Variants in TRIO observed in about 807,000 individuals in gnomAD.
TRIO encodes trio Rho guanine nucleotide exchange factor, also known as triple functional domain protein.
A neutral mutation model predicts 351.9 loss-of-function variants in TRIO; 58 were observed. The ratio of observed to expected loss-of-function variants is 0.16; its 90% CI spans 0.13 to 0.21. The LOEUF (loss-of-function observed/expected upper bound fraction) is 0.21. Ranked by LOEUF, TRIO falls within the 10% of genes least tolerant of loss-of-function variation. The probability of loss-of-function intolerance (pLI) is 1.00; values close to 1 mark genes in which losing one functional copy is unlikely to be tolerated. For missense variants in TRIO, 3,201 were observed against 4,027.8 expected, an observed-to-expected ratio of 0.79 and a Z score of 5.56; for synonymous variants, 1,758 against 1,595.7, an observed-to-expected ratio of 1.10 and a Z score of -2.42.
At chr5:14,181,268 G>A (rs948917629) in intron 1 of TRIO, among the ~76,000 whole-genome samples, 4 of 152,196 alleles carry the variant, frequency 2.6e-5, no homozygotes, top group Non-Finnish European at 5.9e-5. Context: ...CCATGAAAAG[G>A]AAATGTCCTT....
chr5:14,413,357 C>G (rs1749359464), intron 33 of TRIO, among the ~76,000 whole-genome samples: 1 of 152,204 alleles, frequency 6.6e-6, no homozygotes, highest in Non-Finnish European at 1.5e-5. Context: ...TTCATCCTAG[C>G]TGCATGCGTA....
rs745825542 is a variant in TRIO, at chr5:14,502,672, C to T, written c.8411+15C>T. 1 of 1,613,734 alleles carries T rather than the reference C, an allele frequency of 6.2e-7. No homozygotes were observed. On this transcript the variant is annotated intron_variant, in intron 54 of 56. Coordinates refer to ENST00000344204, the MANE Select transcript of TRIO (RefSeq NM_007118.4). ...GAGCTTGGCAGGTATGATGCACAAC[C>T]CAGAACGCCTTCCGAAAGAGCAGAG...
chr5:14,388,779 AT>A, intron 24 of TRIO, 100 bp downstream of exon 24: 3 of 1,342,980 alleles, frequency 2.2e-6, no homozygotes, highest in Non-Finnish European at 2.0e-6. Flanking sequence ...AATAATCACA[AT>A]TTTTTTCTGT....
At chr5:14,152,018 C>G (rs1787871131) in intron 1 of TRIO, among the ~76,000 whole-genome samples, 1 of 152,252 alleles carries the variant, frequency 6.6e-6, no homozygotes, top group Admixed American at 6.5e-5. Context: ...CTGAACCACA[C>G]AAATATTGAA....
At chr5:14,224,894 A>G (rs1792887183) in intron 1 of TRIO, among the ~76,000 whole-genome samples, 2 of 152,286 alleles carry the variant, frequency 1.3e-5, no homozygotes, top group East Asian at 1.9e-4. Flanking sequence ...TAAATACGCA[A>G]TAGGTGTTTT....
At chr5:14,456,197 C>T (rs1561511801) in intron 34 of TRIO, among the ~76,000 whole-genome samples, 1 of 152,250 alleles carries the variant, frequency 6.6e-6, no homozygotes, top group Non-Finnish European at 1.5e-5. Context: ...CCACCTGGAA[C>T]TCTTGCAGGC....
chr5:14,424,812 C>T (rs62345048), intron 34 of TRIO, among the ~76,000 whole-genome samples: 15,242 of 152,150 alleles, frequency 0.1, 1,375 homozygotes, highest in African/African-American at 0.24. Flanking sequence ...CGGAACTGTC[C>T]GAAATGTTGA....
intron 1 of TRIO, among the ~76,000 whole-genome samples, chr5:14,223,466 A>G (rs563702416): frequency 8.5e-5 from 13 of 152,298 alleles, no homozygotes; most frequent in African/African-American, 2.6e-4. Flanking sequence ...CATCACAGCC[A>G]TGTCCTCTGT....
intron 1 of TRIO, among the ~76,000 whole-genome samples, chr5:14,258,643 C>T (rs1050281845): frequency 1.3e-5 from 2 of 152,166 alleles, no homozygotes; most frequent in East Asian, 3.9e-4. Context: ...TATGAAACTG[C>T]GGAAGAGCTT....
chr5:14,269,014 C>T (rs965069574), intron 1 of TRIO, among the ~76,000 whole-genome samples: 1 of 152,152 alleles, frequency 6.6e-6, no homozygotes, highest in African/African-American at 2.4e-5. Context: ...TTATAAATAG[C>T]CACTGTTTTC....
chr5:14,419,177 G>A (rs1308641227), intron 33 of TRIO, among the ~76,000 whole-genome samples: 2 of 152,158 alleles, frequency 1.3e-5, no homozygotes, highest in Admixed American at 1.3e-4. Flanking sequence ...GAGGCCTGAA[G>A]TGGGGGAGCC....
At chr5:14,305,106 AT>A (rs1318626554) in intron 8 of TRIO, among the ~76,000 whole-genome samples, 2 of 152,212 alleles carry the variant, frequency 1.3e-5, no homozygotes, top group African/African-American at 4.8e-5. Context: ...TAAGGACTTT[AT>A]GTAATGACTG....
intron 1 of TRIO, among the ~76,000 whole-genome samples, chr5:14,210,966 C>T (rs1176302984): frequency 1.3e-5 from 2 of 152,232 alleles, no homozygotes; most frequent in South Asian, 2.1e-4. Context: ...CCACTCCTGC[C>T]CTTGTAAGTT....
At chr5:14,162,592 C>G (rs1788536106) in intron 1 of TRIO, among the ~76,000 whole-genome samples, 1 of 152,272 alleles carries the variant, frequency 6.6e-6, no homozygotes, top group Non-Finnish European at 1.5e-5. Context: ...ATATTTTCCC[C>G]TCAGTTCCCT....
intron 3 of TRIO, among the ~76,000 whole-genome samples, chr5:14,285,361 T>C (rs1035550247): frequency 1.3e-5 from 2 of 152,028 alleles, no homozygotes; most frequent in African/African-American, 4.8e-5. Context: ...CGCCTTCTGA[T>C]TGGGTCCTAC....
intron 2 of TRIO, among the ~76,000 whole-genome samples, chr5:14,271,180 AAAAAAACTGATTTT>A (rs1243720811): frequency 6.6e-6 from 1 of 152,204 alleles, no homozygotes; most frequent in East Asian, 1.9e-4. Flanking sequence ...TCAGTTAAGT[AAAAAAACTGATTTT>A]AAAAATCCGA....
intron 1 of TRIO, among the ~76,000 whole-genome samples, chr5:14,164,910 C>T (rs750418193): frequency 5.9e-5 from 9 of 152,172 alleles, no homozygotes; most frequent in Non-Finnish European, 1.3e-4. Context: ...ACTAATGGCA[C>T]GTAAGGCTCC....
At chr5:14,463,530 A>T (rs27099) in intron 36 of TRIO, among the ~76,000 whole-genome samples, 38,308 of 152,038 alleles carry the variant, frequency 0.25, 5,438 homozygotes, top group African/African-American at 0.38. Flanking sequence ...TACGTAGTCT[A>T]AAATTATTTT....
intron 13 of TRIO, among the ~76,000 whole-genome samples, chr5:14,360,152 T>C (rs1223381711): frequency 6.6e-6 from 1 of 151,934 alleles, no homozygotes; most frequent in Non-Finnish European, 1.5e-5. Flanking sequence ...AAACACAATT[T>C]CCCCCCACAA....
Sources: gnomAD v4.1 joint callset for allele counts (sites outside exome capture counted in the v4.1 genomes callset) on GRCh38, gnomAD v4.1.1 for gene constraint, MANE v1.5 for transcripts, NCBI Gene and HGNC (gene_info 2026-07-23, HGNC 2026-07-21) for gene names.